RNF19A: variants seen among roughly 807,000 people sequenced by gnomAD.
RNF19A encodes the protein ring finger protein 19A, RBR E3 ubiquitin protein ligase, also known as E3 ubiquitin-protein ligase RNF19A.
Under a neutral mutation model 75.7 loss-of-function variants are expected in RNF19A, and 32 were observed. That is an observed-to-expected ratio of 0.42 (90% CI 0.32 to 0.57). The LOEUF is 0.57. RNF19A is among the 20% of genes least tolerant of loss of function. The pLI, the probability that RNF19A is intolerant of heterozygous loss-of-function variation, is 0.10. For missense variants in RNF19A, 782 were observed against 1,036.3 expected (o/e 0.75, Z 3.37); for synonymous variants, 335 against 345.2 (o/e 0.97, Z 0.33).
At chr8:100,302,080 G>A (rs1426557291) in intron 1 of RNF19A, among the ~76,000 whole-genome samples, 1 of 152,228 alleles carries the variant, frequency 6.6e-6, no homozygotes, top group Non-Finnish European at 1.5e-5. Flanking sequence ...ACATGAGAAT[G>A]CCAGGTTGTG....
chr8:100,314,542 A>G (rs995839468), upstream of RNF19A, among the ~76,000 whole-genome samples: 1 of 152,156 alleles, frequency 6.6e-6, no homozygotes, highest in African/African-American at 2.4e-5. This position sits in a 1 kb window ranked among gnomAD's most constrained non-coding sequence, Gnocchi z 4.1. Flanking sequence ...CTTTAGCCAC[A>G]GTAAGGTACT....
chr8:100,319,586 A>T (rs2033921), intron 1 of RNF19A, among the ~76,000 whole-genome samples: 1 of 146,552 alleles, frequency 6.8e-6, no homozygotes, highest in Non-Finnish European at 1.5e-5. Flanking sequence ...CTGGAGTGTA[A>T]TGGCACAATC....
intron 7 of RNF19A, among the ~76,000 whole-genome samples, chr8:100,263,253 G>A (rs564318459): frequency 6.6e-6 from 1 of 152,218 alleles, no homozygotes; most frequent in African/African-American, 2.4e-5. Context: ...GGACTGGCCA[G>A]GAAATATGGT....
At chr8:100,310,088 G>GC, upstream of RNF19A, 1 of 985,498 alleles carries the variant, frequency 1.0e-6, no homozygotes, top group Non-Finnish European at 1.2e-6. Context: ...GGGAACCAGC[G>GC]CCGCAACTAC....
Position 100,260,105 on chromosome 8 carries a change from AGGAACCATTATTTTT to A in RNF19A, c.1683-123_1683-109del. On this transcript the variant is annotated intron_variant, in intron 8 of 9. Coordinates refer to ENST00000341084, the MANE Select transcript of RNF19A (RefSeq NM_183419.4). The surrounding 1 kb of genome is among the most constrained non-coding windows in gnomAD (Gnocchi z 4.1). Reference sequence around the variant, plus strand: ...AACCCTAGTAACCAGAAGCTATTTTAGGAACCATTATTTTTTATTTCCTTTTATTTAATTTAAATT... The same window carrying A: ...AACCCTAGTAACCAGAAGCTATTTTATATTTCCTTTTATTTAATTTAAATT... The A allele has an allele frequency of 1.1e-6, 1 of 948,948 alleles. No individual in the cohort carries two copies. 58.8% of individuals were successfully genotyped at this position (948,948 alleles called of 1,614,324 possible).
chr8:100,285,744 C>A (rs554938834), intron 2 of RNF19A, among the ~76,000 whole-genome samples: 5 of 151,912 alleles, frequency 3.3e-5, no homozygotes, highest in Non-Finnish European at 7.4e-5. Context: ...GTTACCTTCC[C>A]GTCTTGGCCT....
intron 1 of RNF19A, among the ~76,000 whole-genome samples, chr8:100,293,159 C>T (rs1196373608): frequency 6.6e-6 from 1 of 152,216 alleles, no homozygotes; most frequent in Non-Finnish European, 1.5e-5. Context: ...TGCTGCGTGG[C>T]CCAGTTCCTA....
Position 100,258,613 on chromosome 8 carries a change from AT to A in RNF19A, c.2459del (p.Asn820IlefsTer11). 1 of 1,613,916 alleles carries A rather than the reference AT, an allele frequency of 6.2e-7. No individual in the cohort carries two copies. The highest frequency in any genetic ancestry group is 8.5e-7 in the Non-Finnish European group (1 of 1,179,948). On this transcript the variant is annotated frameshift_variant, in exon 10 of 10. Transcript: ENST00000341084. LOFTEE classifies it high-confidence loss of function. The surrounding 1 kb of genome is among the most constrained non-coding windows in gnomAD (Gnocchi z 4.3). The stretch of plus-strand genomic sequence containing the variant: ...CCATTGTCTGATGTGAGTGGTTGTT[AT>A]TTGTTTCTTTTAGTGCATCGCCAAA... ...LYFGDALKET[N>X]NNHSHQTMEL...
rs745397687 is a variant in RNF19A, at chr8:100,259,794, A to T, written c.1826+60T>A. Reference sequence around the variant, plus strand: ...CTTTTCACTGGTAATTTGTCTAATGATAGGAATTATTCCTTTAATTTAAAA... The same window carrying T: ...CTTTTCACTGGTAATTTGTCTAATGTTAGGAATTATTCCTTTAATTTAAAA... On this transcript the variant is annotated intron_variant, in intron 9 of 9. Coordinates refer to ENST00000341084, the MANE Select transcript of RNF19A (RefSeq NM_183419.4). This position sits in a 1 kb window ranked among gnomAD's most constrained non-coding sequence, Gnocchi z 4.5. The T allele has an allele frequency of 7.4e-5, 106 of 1,441,800 alleles. No individual in the cohort carries two copies. The highest frequency in any genetic ancestry group is 9.8e-5 in the Non-Finnish European group (103 of 1,052,868). The allele number at this position is 1,441,800 out of a possible 1,614,324, so 89.3% of individuals were successfully genotyped here. A position where few individuals can be genotyped will look rare whatever the true frequency, so the allele number is the denominator to read the frequency against.
Position 100,334,359 on chromosome 8 carries a change from G to A in RNF19A, c.-243+1749C>T, listed in dbSNP as rs577749855. On this transcript the variant is annotated intron_variant, in intron 1 of 3. Transcript: ENST00000519527. ...GTTTCCACACAGTGCTGAGCAGAGG[G>A]TAAGGCTCGATAAACTGCTGACAAG... Among the ~76,000 whole-genome samples the A allele has an allele frequency of 5.3e-5, 8 of 152,254 alleles. No homozygotes were observed. The South Asian group carries it at 1.7e-3, about 32-fold the overall frequency.
intron 3 of RNF19A, among the ~76,000 whole-genome samples, chr8:100,273,230 A>C (rs1220747632): frequency 6.6e-6 from 1 of 152,206 alleles, no homozygotes; most frequent in Non-Finnish European, 1.5e-5. Context: ...AATCGCCTTG[A>C]GACTATTTAT....
At chr8:100,320,109 T>C (rs1305848174) in intron 1 of RNF19A, among the ~76,000 whole-genome samples, 1 of 152,246 alleles carries the variant, frequency 6.6e-6, no homozygotes, top group Non-Finnish European at 1.5e-5. Flanking sequence ...GTGCTGGGAT[T>C]ACAGGCGTGA....
chr8:100,300,960 G>T (rs1821796533), intron 1 of RNF19A, among the ~76,000 whole-genome samples: 2 of 152,212 alleles, frequency 1.3e-5, no homozygotes, highest in Non-Finnish European at 2.9e-5. Context: ...CTTCTCAAGA[G>T]GCTGCACCAA....
Position 100,259,765 on chromosome 8 carries a change from G to C in RNF19A, c.1826+89C>G. The stretch of plus-strand genomic sequence containing the variant: ...TTCTCAGAGAACTTAATAGTTGGTA[G>C]CCACTTTTCACTGGTAATTTGTCTA... On this transcript the variant is annotated intron_variant, in intron 9 of 9. Transcript: ENST00000341084. This position sits in a 1 kb window ranked among gnomAD's most constrained non-coding sequence, Gnocchi z 4.5. 1 of 1,167,704 alleles carries C rather than the reference G, an allele frequency of 8.6e-7. No individual in the cohort carries two copies. Among genetic ancestry groups the C allele is most frequent in the Non-Finnish European group, 1.2e-6 (1 of 826,550 alleles). The allele number at this position is 1,167,704 out of a possible 1,614,324, so 72.3% of individuals were successfully genotyped here. A position where few individuals can be genotyped will look rare whatever the true frequency, so the allele number is the denominator to read the frequency against.
At position 100,287,373 on chromosome 8, in the gene RNF19A, GTGTGCAC is replaced by G. The variant is rs1821074089; in HGVS notation, c.674+121_674+127del. The G allele has an allele frequency of 9.2e-5, 68 of 740,236 alleles. 1 individual carries two copies. The South Asian group carries it at 1.2e-3, about 13-fold the overall frequency. The allele number at this position is 740,236 out of a possible 1,614,324, so 45.9% of individuals were successfully genotyped here. A position where few individuals can be genotyped will look rare whatever the true frequency, so the allele number is the denominator to read the frequency against. Reference sequence around the variant, plus strand: ...CACCTAGCATAGTGCCTGACATATGGTGTGCACTCAACATGTCTGTTGAATGAATTCT... The same window carrying G: ...CACCTAGCATAGTGCCTGACATATGGTCAACATGTCTGTTGAATGAATTCT... On this transcript the variant is annotated intron_variant, in intron 2 of 9. Coordinates refer to ENST00000341084, the MANE Select transcript of RNF19A (RefSeq NM_183419.4). This position sits in a 1 kb window ranked among gnomAD's most constrained non-coding sequence, Gnocchi z 4.1.
At chr8:100,262,338 C>T (rs781275309) in intron 7 of RNF19A, among the ~76,000 whole-genome samples, 1 of 152,046 alleles carries the variant, frequency 6.6e-6, no homozygotes, top group African/African-American at 2.4e-5. Context: ...TGTCTGTGAG[C>T]CATTTTATAT....
At chr8:100,273,246 C>T (rs2129671219) in intron 3 of RNF19A, among the ~76,000 whole-genome samples, 1 of 152,220 alleles carries the variant, frequency 6.6e-6, no homozygotes, top group South Asian at 2.1e-4. Context: ...TTTATTCCAA[C>T]AATGTTATTG....
At position 100,259,340 on chromosome 8, in the gene RNF19A, A is replaced by G. The variant is rs1466891314; in HGVS notation, c.1827-94T>C. On this transcript the variant is annotated intron_variant, in intron 9 of 9. Transcript: ENST00000341084. This position sits in a 1 kb window ranked among gnomAD's most constrained non-coding sequence, Gnocchi z 4.5. ...GGTTTCTATGTGGAAAATTCAGACT[A>G]TATATAAGCTATGAGAACACCTTAA... is the stretch of plus-strand genomic sequence containing the variant. 1.1e-5 allele frequency: 11 copies of G among 971,854 alleles called. No homozygotes were observed. The highest frequency in any genetic ancestry group is 1.7e-5 in the Non-Finnish European group (11 of 652,724). 60.2% of individuals were successfully genotyped at this position (971,854 alleles called of 1,614,324 possible). A position where few individuals can be genotyped will look rare whatever the true frequency, so the allele number is the denominator to read the frequency against.
At chr8:100,265,151 C>G (rs7824192) in intron 5 of RNF19A, among the ~76,000 whole-genome samples, 5,712 of 152,230 alleles carry the variant, frequency 0.038, 162 homozygotes, top group South Asian at 0.091. Context: ...CAGGATACTT[C>G]CAGCATTCTA....
Sources: gnomAD v4.1 joint callset for allele counts (sites outside exome capture counted in the v4.1 genomes callset) on GRCh38, gnomAD v4.1.1 for gene constraint, Gnocchi (gnomAD v3.1) non-coding constraint, MANE v1.5 for transcripts, NCBI Gene and HGNC (gene_info 2026-07-23, HGNC 2026-07-21) for gene names.